OLA1: variants seen among roughly 807,000 people sequenced by gnomAD.
OLA1 encodes obg-like ATPase 1.
Under a neutral mutation model 48.4 loss-of-function variants are expected in OLA1, and 14 were observed. The observed-to-expected ratio is 0.29, with a 90% CI of 0.19 to 0.45. OLA1 has a LOEUF of 0.45. Among genes scored for constraint, OLA1 ranks in the 20% least tolerant of loss-of-function variants. The pLI, the probability that OLA1 is intolerant of heterozygous loss-of-function variation, is 1.00. For missense variants in OLA1, 325 were observed against 467.1 expected (o/e 0.70, Z 2.80); for synonymous variants, 127 against 150.4 (o/e 0.84, Z 1.14).
At chr2:174,199,345 C>T (rs575954945) in intron 4 of OLA1, among the ~76,000 whole-genome samples, 2 of 152,280 alleles carry the variant, frequency 1.3e-5, no homozygotes, top group Admixed American at 1.3e-4. Context: ...AAAACATTCC[C>T]ATGTTCCCAA....
Position 174,075,237 on chromosome 2 carries a change from G to T in OLA1, c.*189C>A. 1 of 488,264 alleles carries T rather than the reference G, an allele frequency of 2.0e-6. No homozygotes were observed. The highest frequency in any genetic ancestry group is 2.3e-5 in the South Asian group (1 of 43,528). 30.2% of individuals were successfully genotyped at this position (488,264 alleles called of 1,614,324 possible). On this transcript the variant is annotated 3_prime_UTR_variant, in exon 11 of 11. Transcript: ENST00000284719. ...TGAAAAGCAAAGCTGTTCACATTTA[G>T]TGAACCTGCATTTCATGGGGGGGGG...
intron 5 of OLA1, among the ~76,000 whole-genome samples, chr2:174,135,176 A>AAG (rs1553482511): frequency 2.0e-5 from 3 of 151,562 alleles, no homozygotes; most frequent in Non-Finnish European, 4.4e-5. Context: ...AAAAAAAAAA[A>AAG]AAAGAAATGG....
intron 4 of OLA1, among the ~76,000 whole-genome samples, chr2:174,212,448 T>C (rs1396235923): frequency 2.6e-5 from 4 of 152,238 alleles, no homozygotes; most frequent in African/African-American, 7.2e-5. Context: ...GACTGGAACA[T>C]TGACATAGAC....
chr2:174,173,813 G>A (rs2105408001), intron 4 of OLA1, among the ~76,000 whole-genome samples: 1 of 151,984 alleles, frequency 6.6e-6, no homozygotes. Flanking sequence ...ACAAAGGAAA[G>A]AGGAGACATT....
intron 4 of OLA1, among the ~76,000 whole-genome samples, chr2:174,152,783 T>A (rs1387335494): frequency 6.6e-6 from 1 of 152,220 alleles, no homozygotes; most frequent in Non-Finnish European, 1.5e-5. Context: ...CAATAAGATA[T>A]CAATCAAAAG....
chr2:174,149,232 A>G (rs1329854413), intron 4 of OLA1, among the ~76,000 whole-genome samples: 2 of 152,220 alleles, frequency 1.3e-5, no homozygotes, highest in Non-Finnish European at 2.9e-5. Context: ...GGAATCTTGA[A>G]TGCCCACTCA....
intron 7 of OLA1, among the ~76,000 whole-genome samples, chr2:174,117,415 G>A (rs1416130115): frequency 6.6e-6 from 1 of 152,092 alleles, no homozygotes; most frequent in Admixed American, 6.5e-5. Flanking sequence ...TTCTAAAGTA[G>A]TATTCTTCTT....
intron 4 of OLA1, among the ~76,000 whole-genome samples, chr2:174,174,013 CAT>C (rs1687364562): frequency 9.2e-6 from 1 of 109,128 alleles, no homozygotes; most frequent in African/African-American, 3.7e-5. Flanking sequence ...CCTTCCCATA[CAT>C]ACACACACAC....
chr2:174,093,515 C>T (rs1002230111), intron 7 of OLA1, among the ~76,000 whole-genome samples: 26 of 151,486 alleles, frequency 1.7e-4, no homozygotes, highest in African/African-American at 2.9e-4. Flanking sequence ...AATCAAACAC[C>T]GCCACCACCA....
chr2:174,110,774 A>T (rs550272717), intron 7 of OLA1, among the ~76,000 whole-genome samples: 1 of 152,144 alleles, frequency 6.6e-6, no homozygotes, highest in South Asian at 2.1e-4. Context: ...TAGACGTAGG[A>T]TGTACCTATA....
chr2:174,177,240 TG>T (rs1687441253), intron 4 of OLA1, among the ~76,000 whole-genome samples: 1 of 152,122 alleles, frequency 6.6e-6, no homozygotes, highest in Non-Finnish European at 1.5e-5. Context: ...TCACAGCAGA[TG>T]GAAAAGGAAG....
At chr2:174,082,490 C>T (rs974429163) in intron 7 of OLA1, among the ~76,000 whole-genome samples, 1 of 152,082 alleles carries the variant, frequency 6.6e-6, no homozygotes, top group African/African-American at 2.4e-5. Context: ...CTGAAGAGCC[C>T]TTCACAAATA....
At chr2:174,154,457 T>TC (rs1454610065) in intron 4 of OLA1, among the ~76,000 whole-genome samples, 2 of 152,180 alleles carry the variant, frequency 1.3e-5, no homozygotes, top group African/African-American at 4.8e-5. Context: ...TGTATTTTTT[T>TC]CCCACTGACT....
chr2:174,133,450 T>C (rs1381907128), intron 5 of OLA1, among the ~76,000 whole-genome samples: 1 of 152,190 alleles, frequency 6.6e-6, no homozygotes, highest in Non-Finnish European at 1.5e-5. Flanking sequence ...AACCTCCGCC[T>C]CTCAGGTTCA....
intron 7 of OLA1, among the ~76,000 whole-genome samples, chr2:174,116,435 T>C (rs958462781): frequency 5.9e-5 from 9 of 152,232 alleles, no homozygotes; most frequent in African/African-American, 2.2e-4. Context: ...ATCTCAAATA[T>C]AGATATGCCA....
chr2:174,086,775 G>A (rs529203656), intron 7 of OLA1, among the ~76,000 whole-genome samples: 4 of 152,272 alleles, frequency 2.6e-5, no homozygotes, highest in Admixed American at 2.6e-4. Context: ...ACTACTCAGA[G>A]CGGTGTGTAA....
chr2:174,190,009 G>A (rs374553490), intron 4 of OLA1, among the ~76,000 whole-genome samples: 9 of 152,182 alleles, frequency 5.9e-5, no homozygotes, highest in South Asian at 2.1e-4. Flanking sequence ...ATAACTGTGC[G>A]CTGCTGTGGA....
chr2:174,074,193 G>A lies in OLA1; in HGVS notation c.*1233C>T, dbSNP rs1684671160. On this transcript the variant is annotated 3_prime_UTR_variant, in exon 11 of 11. Coordinates refer to ENST00000284719, the MANE Select transcript of OLA1 (RefSeq NM_013341.5). The stretch of plus-strand genomic sequence containing the variant: ...GATACAGTAGAGGCAAAGGCTGGCT[G>A]GGTATGAATCTGCATTCCATGGAAA... The A allele has an allele frequency of 1.3e-5, 2 of 152,156 alleles. No individual in the cohort carries two copies. The highest frequency in any genetic ancestry group is 4.1e-4 in the South Asian group (2 of 4,834). The allele number at this position is 152,156 out of a possible 1,614,324, so 9.4% of individuals were successfully genotyped here.
At position 174,140,363 on chromosome 2, in the gene OLA1, T is replaced by C. The variant is rs577147225; in HGVS notation, c.549+1462A>G. On this transcript the variant is annotated intron_variant, in intron 5 of 10. Coordinates refer to ENST00000284719, the MANE Select transcript of OLA1 (RefSeq NM_013341.5). ...TATAGTTATCCCTTTTCTTTTCTTT[T>C]TCTTTCTTTTTTTTTTTTAATTGAG... is the stretch of plus-strand genomic sequence containing the variant. 5.3e-5 allele frequency among the ~76,000 whole-genome samples: 8 copies of C among 151,198 alleles called. No homozygotes were observed. In the South Asian group the frequency reaches 1.7e-3, roughly 32 times the overall value.
Sources: gnomAD v4.1 joint callset for allele counts (sites outside exome capture counted in the v4.1 genomes callset) on GRCh38, gnomAD v4.1.1 for gene constraint, MANE v1.5 for transcripts, NCBI Gene and HGNC (gene_info 2026-07-23, HGNC 2026-07-21) for gene names.